Variants in DLG2 observed in about 807,000 individuals in gnomAD.
The protein encoded by DLG2 is discs large MAGUK scaffold protein 2.
DLG2 carries 45 observed loss-of-function variants against 132.5 expected under a neutral mutation model. That is an observed-to-expected ratio of 0.34 (90% CI 0.27 to 0.44). DLG2 has a LOEUF of 0.44. DLG2 is among the 20% of genes least tolerant of loss of function. The probability of loss-of-function intolerance (pLI) is 1.00; values close to 1 mark genes in which losing one functional copy is unlikely to be tolerated. For missense variants in DLG2, 1,045 were observed against 1,196.9 expected (o/e 0.87, Z 1.87); for synonymous variants, 424 against 419.6 (o/e 1.01, Z -0.13).
intron 13 of DLG2, 117 bp downstream of exon 13, chr11:83,965,207 A>T: frequency 8.8e-7 from 1 of 1,137,834 alleles, no homozygotes; most frequent in Non-Finnish European, 1.2e-6. Flanking sequence ...CTCCCTCTGA[A>T]GTATTTCCAG....
chr11:83,900,060 G>C lies in DLG2; in HGVS notation c.1497-25572C>G, dbSNP rs183855171. Among the ~76,000 whole-genome samples, 371 of 152,286 alleles carry C rather than the reference G, an allele frequency of 2.4e-3. 5 individuals are homozygous for C. Among genetic ancestry groups the C allele is most frequent in the African/African-American group, 8.4e-3 (350 of 41,552 alleles). On this transcript the variant is annotated intron_variant, in intron 15 of 27. Transcript: ENST00000376104. ...CAAAGGTGACTCTTGGTATGTTTTA[G>C]CAAAGAAACAGGAAGCATTTTCCCC...
intron 11 of DLG2, among the ~76,000 whole-genome samples, chr11:84,053,404 C>T (rs895418174): frequency 1.3e-5 from 2 of 151,818 alleles, no homozygotes; most frequent in Non-Finnish European, 2.9e-5. Context: ...ACCTGCACAT[C>T]CTGCACATAT....
chr11:85,251,215 T>C (rs1320170767), intron 4 of DLG2, among the ~76,000 whole-genome samples: 1 of 152,200 alleles, frequency 6.6e-6, no homozygotes, highest in African/African-American at 2.4e-5. Flanking sequence ...AAGGTCTCAC[T>C]ATGGAATTAA....
intron 6 of DLG2, among the ~76,000 whole-genome samples, chr11:85,044,125 T>A (rs2062102343): frequency 6.6e-6 from 1 of 151,988 alleles, no homozygotes; most frequent in African/African-American, 2.4e-5. Context: ...TTTCACTTAG[T>A]AACTTCTTTA....
chr11:83,790,556 G>C (rs768783427), intron 17 of DLG2: 20 of 1,286,604 alleles, frequency 1.6e-5, no homozygotes, highest in Non-Finnish European at 2.1e-5. Context: ...TCAAATGACA[G>C]AGCATACTTT....
intron 21 of DLG2, among the ~76,000 whole-genome samples, chr11:83,499,227 CA>C (rs1280099295): frequency 1.3e-5 from 2 of 152,038 alleles, no homozygotes; most frequent in East Asian, 3.9e-4. Context: ...ACCTAGATAC[CA>C]AAATTTGACA....
intron 6 of DLG2, among the ~76,000 whole-genome samples, chr11:84,926,315 C>T (rs906848573): frequency 1.3e-5 from 2 of 151,890 alleles, no homozygotes; most frequent in African/African-American, 4.8e-5. Context: ...TTTAAAGAGG[C>T]AAATTATGAT....
At chr11:84,706,759 T>G (rs2059824434) in intron 6 of DLG2, among the ~76,000 whole-genome samples, 2 of 151,742 alleles carry the variant, frequency 1.3e-5, no homozygotes, top group South Asian at 4.1e-4. Context: ...TAAATCTATT[T>G]AAGTCTATTC....
chr11:83,970,305 GA>G (rs2091075603), intron 12 of DLG2, among the ~76,000 whole-genome samples: 1 of 152,146 alleles, frequency 6.6e-6, no homozygotes, highest in African/African-American at 2.4e-5. Flanking sequence ...CATTTTCATA[GA>G]GTGACTTTGC....
chr11:84,914,327 T>G (rs1319410681), intron 6 of DLG2, among the ~76,000 whole-genome samples: 1 of 152,192 alleles, frequency 6.6e-6, no homozygotes, highest in Non-Finnish European at 1.5e-5. Context: ...TATTTTATTG[T>G]CTACTTTTCT....
At chr11:83,717,083 C>T (rs2086872371) in intron 18 of DLG2, among the ~76,000 whole-genome samples, 1 of 152,246 alleles carries the variant, frequency 6.6e-6, no homozygotes, top group East Asian at 1.9e-4. Flanking sequence ...TAATGTTATA[C>T]TCTACTTAAA....
At position 83,459,589 on chromosome 11, in the gene DLG2, T is replaced by C. The variant is rs1476048442; in HGVS notation, c.*229A>G. ...GAGGTTCATCCCTACACCTGGCACT[T>C]TGAGCAAACCAAAGCCTTCCTTCAT... On this transcript the variant is annotated 3_prime_UTR_variant, in exon 28 of 28. Transcript: ENST00000376104. The C allele has an allele frequency of 1.5e-5, 6 of 391,084 alleles. No homozygotes were observed. The highest frequency in any genetic ancestry group is 1.0e-4 in the African/African-American group (5 of 49,316). 24.2% of individuals were successfully genotyped at this position (391,084 alleles called of 1,614,324 possible).
At chr11:85,092,821 T>G (rs1458281242) in intron 6 of DLG2, among the ~76,000 whole-genome samples, 2 of 152,166 alleles carry the variant, frequency 1.3e-5, no homozygotes, top group East Asian at 3.9e-4. Flanking sequence ...TTTTGTATTT[T>G]TAGTAGAGAT....
chr11:84,745,129 C>T (rs931133605), intron 6 of DLG2, among the ~76,000 whole-genome samples: 1 of 152,040 alleles, frequency 6.6e-6, no homozygotes, highest in African/African-American at 2.4e-5. Flanking sequence ...GCCCTCTACT[C>T]AAAAACAATG....
chr11:84,805,368 C>T (rs1431342545), intron 6 of DLG2, among the ~76,000 whole-genome samples: 2 of 151,842 alleles, frequency 1.3e-5, no homozygotes, highest in Non-Finnish European at 2.9e-5. Flanking sequence ...TACCAAGAAC[C>T]AAAAAGACCT....
intron 3 of DLG2, among the ~76,000 whole-genome samples, chr11:85,419,129 A>C (rs2152992166): frequency 6.6e-6 from 1 of 152,338 alleles, no homozygotes; most frequent in Non-Finnish European, 1.5e-5. Flanking sequence ...TGGTAACAAA[A>C]TCTCTCAGCA....
chr11:85,558,225 G>C (rs186299727), intron 3 of DLG2, among the ~76,000 whole-genome samples: 1 of 152,018 alleles, frequency 6.6e-6, no homozygotes, highest in Non-Finnish European at 1.5e-5. Context: ...CTAATGATCA[G>C]AGAAATGCAG....
intron 7 of DLG2, among the ~76,000 whole-genome samples, chr11:84,422,986 T>C (rs1042463626): frequency 6.6e-6 from 1 of 152,146 alleles, no homozygotes; most frequent in African/African-American, 2.4e-5. Context: ...GTAATGGAAG[T>C]TGAAAGATTT....
At chr11:84,402,881 C>CAAAAAAGAAAAAAAAAA (rs2098835068) in intron 7 of DLG2, among the ~76,000 whole-genome samples, 1 of 73,914 alleles carries the variant, frequency 1.4e-5, no homozygotes, top group Non-Finnish European at 2.4e-5. Flanking sequence ...AACTCCGTCT[C>CAAAAAAGAAAAAAAAAA]AAAAAAAAAA....
Sources: allele counts gnomAD v4.1 joint callset (sites outside exome capture counted in the v4.1 genomes callset), GRCh38; gene constraint gnomAD v4.1.1; transcripts MANE v1.5; gene names NCBI Gene and HGNC (gene_info 2026-07-23, HGNC 2026-07-21).